NECTIN3: variants seen among roughly 807,000 people sequenced by gnomAD.
NECTIN3 encodes nectin cell adhesion molecule 3.
Under a neutral mutation model 49.4 loss-of-function variants are expected in NECTIN3, and 8 were observed. That is an observed-to-expected ratio of 0.16 (90% CI 0.10 to 0.29). The LOEUF is 0.29. Ranked by LOEUF, NECTIN3 falls within the 10% of genes least tolerant of loss-of-function variation. The pLI is 1.00. For missense variants in NECTIN3, 581 were observed against 654.6 expected (o/e 0.89, Z 1.23); for synonymous variants, 277 against 241.1 (o/e 1.15, Z -1.38).
intron 7 of NECTIN3, chr3:111,147,575 G>C: frequency 9.3e-7 from 1 of 1,076,658 alleles, no homozygotes; most frequent in Non-Finnish European, 1.3e-6. Flanking sequence ...ATGTTGTTTA[G>C]TCATTATGCA....
intron 1 of NECTIN3, chr3:111,193,356 G>A (rs1322419440): frequency 1.2e-5 from 18 of 1,534,594 alleles, no homozygotes; most frequent in South Asian, 6.0e-5. Flanking sequence ...AGTCTACATC[G>A]ACCCACGAGA....
intron 4 of NECTIN3, 147 bp from the exon 5 acceptor site, chr3:111,126,037 C>CT (rs895408809): frequency 3.3e-4 from 180 of 545,062 alleles, no homozygotes; most frequent in South Asian, 6.7e-4. Context: ...AAATTTGTTA[C>CT]TTTTTTTTTA....
chr3:111,086,742 T>G (rs1256314513), intron 1 of NECTIN3, among the ~76,000 whole-genome samples: 1 of 152,196 alleles, frequency 6.6e-6, no homozygotes, highest in Non-Finnish European at 1.5e-5. Context: ...TTAGTGGCAG[T>G]TTATTAATTT....
chr3:111,141,084 A>G (rs1182967546), downstream of NECTIN3, among the ~76,000 whole-genome samples: 3 of 151,848 alleles, frequency 2.0e-5, no homozygotes, highest in African/African-American at 7.2e-5. Context: ...AATTTTTTGG[A>G]TGAGGGGCTG....
chr3:111,167,465 G>A (rs1446612142), intron 7 of NECTIN3, among the ~76,000 whole-genome samples: 1 of 152,112 alleles, frequency 6.6e-6, no homozygotes, highest in African/African-American at 2.4e-5. Flanking sequence ...TAAATAGAAG[G>A]ATGAAGTGAG....
chr3:111,158,731 T>C (rs2107518091), intron 7 of NECTIN3, among the ~76,000 whole-genome samples: 1 of 152,094 alleles, frequency 6.6e-6, no homozygotes, highest in South Asian at 2.1e-4. Flanking sequence ...CATAAAAGCA[T>C]AAAACATAAA....
At chr3:111,175,673 A>G (rs928074088) in intron 7 of NECTIN3, among the ~76,000 whole-genome samples, 2 of 152,076 alleles carry the variant, frequency 1.3e-5, no homozygotes, top group African/African-American at 4.8e-5. Context: ...TCAGATTTCA[A>G]ACTAGATATT....
intron 1 of NECTIN3, among the ~76,000 whole-genome samples, chr3:111,095,594 G>A (rs546337384): frequency 2.0e-5 from 3 of 152,258 alleles, no homozygotes; most frequent in East Asian, 3.9e-4. Flanking sequence ...TATTAATATG[G>A]TTTGGTGGTG....
In NECTIN3 at chr3:111,118,881, G is replaced by A. The variant is rs368391163; in HGVS notation, c.728G>A (p.Arg243Gln). 33 of 1,614,104 alleles carry A rather than the reference G, an allele frequency of 2.0e-5. No individual in the cohort carries two copies. Among genetic ancestry groups the A allele is most frequent in the African/African-American group, 1.9e-4 (14 of 75,024 alleles). The change falls in exon 3 of 6, where the codon CGA becomes CAA. Residue 243 changes from arginine (R) to glutamine (Q), a missense_variant. Physicochemically the swap from Arg to Gln is conservative, Grantham distance 43. Transcript: ENST00000485303. The stretch of plus-strand genomic sequence containing the variant: ...CCAACCAGATTTGCTAGAGGAAGGC[G>A]AATTACTTGTGTTGTAAAACATCCA... ...LFPTRFARGR[R>Q]ITCVVKHPAL...
chr3:111,134,234 T>G lies in NECTIN3; in HGVS notation c.*19T>G. The stretch of plus-strand genomic sequence containing the variant: ...TGTTTAGCAACCACTGAATGTGACT[T>G]AACTATGTACAATGTTCATTCACAC... On this transcript the variant is annotated 3_prime_UTR_variant, in exon 6 of 6. Coordinates refer to ENST00000485303, the MANE Select transcript of NECTIN3 (RefSeq NM_015480.3). 6.4e-7 allele frequency: 1 copy of G among 1,566,076 alleles called. No homozygotes were observed.
At chr3:111,140,797 C>T (rs1187394849), downstream of NECTIN3, among the ~76,000 whole-genome samples, 5 of 151,824 alleles carry the variant, frequency 3.3e-5, no homozygotes, top group African/African-American at 1.2e-4. Flanking sequence ...TCACTCTCCC[C>T]GTAGATACAG....
At chr3:111,115,972 A>G (rs1007145626) in intron 2 of NECTIN3, among the ~76,000 whole-genome samples, 1 of 152,156 alleles carries the variant, frequency 6.6e-6, no homozygotes, top group Non-Finnish European at 1.5e-5. Context: ...AGGATAAAAT[A>G]ATTTTGGTGT....
At chr3:111,116,649 G>C (rs1485188660) in intron 2 of NECTIN3, among the ~76,000 whole-genome samples, 1 of 151,970 alleles carries the variant, frequency 6.6e-6, no homozygotes, top group Non-Finnish European at 1.5e-5. Flanking sequence ...AATTTATGTA[G>C]AACTTTTACT....
chr3:111,146,216 C>T lies in NECTIN3; in HGVS notation c.1139+1179C>T, dbSNP rs1024474782. ...TTGGGAGGCCGAGGCGGGCGGATCA[C>T]GAGGTCAGGAGATCGAGACCATCCC... On this transcript the variant is annotated intron_variant, in intron 6 of 8. Coordinates refer to the NECTIN3 transcript ENST00000493615. Among the ~76,000 whole-genome samples, 3 of 151,944 alleles carry T rather than the reference C, an allele frequency of 2.0e-5. No individual in the cohort carries two copies. In the East Asian group the frequency reaches 5.8e-4, roughly 29 times the overall value.
At chr3:111,175,801 C>A (rs1410539409) in intron 7 of NECTIN3, among the ~76,000 whole-genome samples, 12 of 152,152 alleles carry the variant, frequency 7.9e-5, no homozygotes, top group Non-Finnish European at 1.8e-4. Context: ...ATAAGTATTA[C>A]CAATTCCAGC....
chr3:111,076,392 G>A (rs1022989017), intron 1 of NECTIN3, among the ~76,000 whole-genome samples: 2 of 151,936 alleles, frequency 1.3e-5, no homozygotes, highest in Non-Finnish European at 2.9e-5. Context: ...AGCACTACAT[G>A]GTTTGCAGAT....
Position 111,136,476 on chromosome 3 carries a change from G to A in NECTIN3, c.*2261G>A, listed in dbSNP as rs1421637920. ...TGGCAAACTAAAAGGTTTCTGTGTT[G>A]TAAGAATCTGATACTAGTGCTTAAG... On this transcript the variant is annotated 3_prime_UTR_variant, in exon 6 of 6. Transcript: ENST00000485303. 1.9e-5 allele frequency: 19 copies of A among 983,668 alleles called. No homozygotes were observed. Among genetic ancestry groups the A allele is most frequent in the Non-Finnish European group, 2.2e-5 (18 of 828,704 alleles). The allele number at this position is 983,668 out of a possible 1,614,324, so 60.9% of individuals were successfully genotyped here.
At chr3:111,175,008 T>C (rs574157222) in intron 7 of NECTIN3, among the ~76,000 whole-genome samples, 40 of 152,110 alleles carry the variant, frequency 2.6e-4, no homozygotes, top group Non-Finnish European at 5.1e-4. Context: ...TGGAGGTGGC[T>C]CTCAGTGGGA....
intron 7 of NECTIN3, among the ~76,000 whole-genome samples, chr3:111,148,667 A>G (rs1428872287): frequency 6.6e-6 from 1 of 152,116 alleles, no homozygotes; most frequent in African/African-American, 2.4e-5. Flanking sequence ...TCTGCTTTTC[A>G]TGATCGATTG....
Sources: gnomAD v4.1 joint callset for allele counts (sites outside exome capture counted in the v4.1 genomes callset) on GRCh38, gnomAD v4.1.1 for gene constraint, MANE v1.5 for transcripts, NCBI Gene and HGNC (gene_info 2026-07-23, HGNC 2026-07-21) for gene names.